Variants in CAMK2B observed in about 807,000 individuals in gnomAD.
CAMK2B encodes calcium/calmodulin dependent protein kinase II beta.
A neutral mutation model predicts 93.7 loss-of-function variants in CAMK2B; 27 were observed. The observed-to-expected ratio is 0.29, with a 90% CI of 0.21 to 0.40. The LOEUF is 0.40. Among genes scored for constraint, CAMK2B ranks in the 10% least tolerant of loss-of-function variants. CAMK2B has a pLI of 1.00. For missense variants in CAMK2B, 568 were observed against 895.8 expected (o/e 0.63, Z 4.67); for synonymous variants, 374 against 358.8 (o/e 1.04, Z -0.48).
At chr7:44,231,591 A>G (rs2096579927) in intron 16 of CAMK2B, among the ~76,000 whole-genome samples, 1 of 152,252 alleles carries the variant, frequency 6.6e-6, no homozygotes, top group Non-Finnish European at 1.5e-5. Flanking sequence ...ATACAGGGTG[A>G]GGCGTTCCCA....
At chr7:44,239,097 G>A (rs940116514) in intron 13 of CAMK2B, among the ~76,000 whole-genome samples, 11 of 152,222 alleles carry the variant, frequency 7.2e-5, no homozygotes, top group Non-Finnish European at 1.2e-4. Context: ...CTTGTCCTGG[G>A]GGGATGCTCA....
intron 20 of CAMK2B, among the ~76,000 whole-genome samples, chr7:44,226,275 G>C (rs534659545): frequency 6.7e-6 from 1 of 150,020 alleles, no homozygotes; most frequent in South Asian, 2.1e-4. Context: ...CAACAAACCT[G>C]CTCTTTCGGA....
intron 3 of CAMK2B, 35 bp downstream of exon 3, chr7:44,262,970 G>A (rs576635996): frequency 3.8e-6 from 6 of 1,593,056 alleles, no homozygotes; most frequent in African/African-American, 2.7e-5. Flanking sequence ...GAGAAGGTGG[G>A]GACCCATCCC....
intron 1 of CAMK2B, among the ~76,000 whole-genome samples, chr7:44,307,951 G>C (rs557658734): frequency 6.6e-6 from 1 of 152,078 alleles, no homozygotes; most frequent in East Asian, 1.9e-4. Context: ...CTGCAGCCTT[G>C]ATCTCCTAGC....
At chr7:44,254,703 A>G in intron 4 of CAMK2B, 96 bp from the exon 5 acceptor site, 1 of 781,110 alleles carries the variant, frequency 1.3e-6, no homozygotes, top group Non-Finnish European at 2.3e-6. Flanking sequence ...CACCACTATC[A>G]TCACCATCAC....
intron 3 of CAMK2B, among the ~76,000 whole-genome samples, chr7:44,261,362 C>T (rs1042729086): frequency 1.3e-5 from 2 of 152,246 alleles, no homozygotes; most frequent in African/African-American, 2.4e-5. Context: ...AGATGCCCCC[C>T]GCAGAACCCC....
chr7:44,233,009 G>C (rs1252685846), intron 15 of CAMK2B, 143 bp from the exon 16 acceptor site: 2 of 739,010 alleles, frequency 2.7e-6, no homozygotes, highest in Non-Finnish European at 4.8e-6. Flanking sequence ...AGCAGAGTGG[G>C]GGACAGGGAT....
chr7:44,312,292 G>A lies in CAMK2B; in HGVS notation c.65+13065C>T, dbSNP rs1362771284. On this transcript the variant is annotated intron_variant, in intron 1 of 23. Transcript: ENST00000395749. This position sits in a 1 kb window ranked among gnomAD's most constrained non-coding sequence, Gnocchi z 4.1. ...AATAGTTCAGCCAGGTGTCAGTGGC[G>A]AGAGGGTGGTGGTGGGAGGGTGGGG... 2.0e-5 allele frequency among the ~76,000 whole-genome samples: 3 copies of A among 152,012 alleles called. No individual in the cohort carries two copies. Among genetic ancestry groups the A allele is most frequent in the East Asian group, 1.9e-4 (1 of 5,186 alleles).
intron 2 of CAMK2B, chr7:44,268,179 T>C (rs1184491808): frequency 2.0e-5 from 3 of 152,476 alleles, no homozygotes; most frequent in Non-Finnish European, 2.9e-5. Flanking sequence ...GAAGACGCCC[T>C]GGACTGCGCA....
chr7:44,227,694 G>GGGTCATGGGGGATGGGGGT, intron 19 of CAMK2B, among the ~76,000 whole-genome samples: 1 of 26,520 alleles, frequency 3.8e-5, no homozygotes, highest in South Asian at 1.4e-3. Flanking sequence ...GACAGAAAAG[G>GGGTCATGGGGGATGGGGGT]GCGTGAAGGG....
At chr7:44,285,049 A>AC (rs1277885574) in intron 1 of CAMK2B, among the ~76,000 whole-genome samples, 1 of 152,008 alleles carries the variant, frequency 6.6e-6, no homozygotes, top group African/African-American at 2.4e-5. Context: ...CCATGAACGT[A>AC]CCCCACAAAG....
intron 6 of CAMK2B, among the ~76,000 whole-genome samples, chr7:44,246,193 C>T (rs913462480): frequency 5.3e-5 from 8 of 152,096 alleles, no homozygotes; most frequent in Non-Finnish European, 1.2e-4. Context: ...CCAGCGGCGT[C>T]AGCCCTGTCA....
chr7:44,228,875 G>C lies in CAMK2B; in HGVS notation c.1389C>G (p.Thr463=), dbSNP rs895488325. 2.5e-6 allele frequency: 4 copies of C among 1,580,920 alleles called. No individual in the cohort carries two copies. In the African/African-American group the frequency reaches 4.1e-5, roughly 16 times the overall value. The change falls in exon 19 of 24, where the codon ACC becomes ACG. Residue 463 remains threonine (T), a synonymous_variant. Coordinates refer to ENST00000395749, the MANE Select transcript of CAMK2B (RefSeq NM_001220.5). ...CTGAGAGGGGGCCCTCGGCTTCTGG[G>C]GTTCCTGAACCCCTTCTCACAGAGT... ...ILNSVRRGSG[T]PEAEGPLSAG...
At chr7:44,278,359 C>CT (rs1403311620) in intron 2 of CAMK2B, among the ~76,000 whole-genome samples, 1 of 152,186 alleles carries the variant, frequency 6.6e-6, no homozygotes, top group Non-Finnish European at 1.5e-5. Flanking sequence ...GCTGGGGAAA[C>CT]TGAGGTCTAG....
At chr7:44,246,195 G>A (rs2096727853) in intron 6 of CAMK2B, among the ~76,000 whole-genome samples, 1 of 152,114 alleles carries the variant, frequency 6.6e-6, no homozygotes, top group African/African-American at 2.4e-5. Context: ...AGCGGCGTCA[G>A]CCCTGTCACC....
At chr7:44,245,979 G>C (rs1357566160) in intron 6 of CAMK2B, among the ~76,000 whole-genome samples, 1 of 151,980 alleles carries the variant, frequency 6.6e-6, no homozygotes, top group Non-Finnish European at 1.5e-5. Context: ...GGAAGGAAAG[G>C]GAGGAAGGAA....
chr7:44,244,782 A>T (rs757177676), intron 6 of CAMK2B: 8 of 338,724 alleles, frequency 2.4e-5, no homozygotes, highest in African/African-American at 6.5e-5. Flanking sequence ...AGAAACCCAG[A>T]GCTTCCTCGA....
chr7:44,315,514 TCTGA>T (rs1364392948), intron 1 of CAMK2B, among the ~76,000 whole-genome samples: 3 of 152,266 alleles, frequency 2.0e-5, no homozygotes, highest in Non-Finnish European at 2.9e-5. Context: ...CCGTGAGTCC[TCTGA>T]CTTTGTTCTC....
At chr7:44,267,262 G>C (rs2096928857) in intron 2 of CAMK2B, among the ~76,000 whole-genome samples, 1 of 152,142 alleles carries the variant, frequency 6.6e-6, no homozygotes, top group Non-Finnish European at 1.5e-5. Flanking sequence ...AGTCCCTGGG[G>C]CACAAAAAGC....
Sources: gnomAD v4.1 joint callset for allele counts (sites outside exome capture counted in the v4.1 genomes callset) on GRCh38, gnomAD v4.1.1 for gene constraint, Gnocchi (gnomAD v3.1) non-coding constraint, MANE v1.5 for transcripts, NCBI Gene and HGNC (gene_info 2026-07-23, HGNC 2026-07-21) for gene names.